ADGRL3: variants seen among roughly 807,000 people sequenced by gnomAD.
The protein encoded by ADGRL3 is calcium-independent alpha-latrotoxin receptor 3.
Under a neutral mutation model 153.5 loss-of-function variants are expected in ADGRL3, and 62 were observed. The ratio of observed to expected loss-of-function variants is 0.40; its 90% CI spans 0.33 to 0.50. The LOEUF (loss-of-function observed/expected upper bound fraction) is 0.50. ADGRL3 is among the 20% of genes least tolerant of loss of function. The pLI is 0.47. For missense variants in ADGRL3, 1,641 were observed against 1,859.4 expected, an observed-to-expected ratio of 0.88 and a Z score of 2.16; for synonymous variants, 710 against 672.5, an observed-to-expected ratio of 1.06 and a Z score of -0.86.
intron 8 of ADGRL3, among the ~76,000 whole-genome samples, chr4:61,781,919 G>T (rs1043892103): frequency 5.3e-5 from 8 of 152,230 alleles, no homozygotes; most frequent in Non-Finnish European, 1.2e-4. Flanking sequence ...AAATGATAAG[G>T]TTATGTAATT....
intron 4 of ADGRL3, among the ~76,000 whole-genome samples, chr4:61,578,954 A>G (rs180764692): frequency 2.1e-3 from 323 of 152,224 alleles, no homozygotes; most frequent in Non-Finnish European, 3.5e-3. Context: ...TCATCGGCCT[A>G]TCTCTTCTCT....
intron 9 of ADGRL3, among the ~76,000 whole-genome samples, chr4:61,865,371 A>G (rs1352321105): frequency 1.3e-5 from 2 of 151,752 alleles, no homozygotes; most frequent in African/African-American, 4.9e-5. Context: ...GATTTTTTTA[A>G]AATAGCATAT....
At chr4:61,844,546 C>CAAAAAAAAAAAAAAAAAAAA (rs71604517) in intron 9 of ADGRL3, among the ~76,000 whole-genome samples, 1 of 17,548 alleles carries the variant, frequency 5.7e-5, no homozygotes, top group Non-Finnish European at 8.5e-5. Flanking sequence ...GACTGCATCT[C>CAAAAAAAAAAAAAAAAAAAA]AAAAAAAAAA....
intron 21 of ADGRL3, among the ~76,000 whole-genome samples, chr4:61,999,544 G>GA (rs1270478524): frequency 3.9e-5 from 6 of 151,918 alleles, no homozygotes; most frequent in African/African-American, 1.5e-4. Flanking sequence ...TTTATTAAAC[G>GA]CTTTTACTTA....
chr4:61,519,302 C>T (rs1362575791), intron 4 of ADGRL3, among the ~76,000 whole-genome samples: 2 of 152,110 alleles, frequency 1.3e-5, no homozygotes, highest in African/African-American at 4.8e-5. Flanking sequence ...AGTTACAGTG[C>T]AGTGACGGGT....
chr4:61,254,022 T>C (rs964753764), intron 1 of ADGRL3, among the ~76,000 whole-genome samples: 1 of 152,170 alleles, frequency 6.6e-6, no homozygotes, highest in African/African-American at 2.4e-5. Context: ...TTTATCAAAA[T>C]ACTGTACAAG....
At chr4:61,394,233 A>G (rs79813580) in intron 2 of ADGRL3, among the ~76,000 whole-genome samples, 4 of 152,190 alleles carry the variant, frequency 2.6e-5, no homozygotes, top group African/African-American at 9.6e-5. Context: ...AGGACATATT[A>G]GGAAAAATCT....
intron 15 of ADGRL3, among the ~76,000 whole-genome samples, chr4:61,939,802 TATC>T (rs1349756545): frequency 2.0e-5 from 3 of 152,206 alleles, no homozygotes; most frequent in Non-Finnish European, 4.4e-5. Flanking sequence ...ATATAACTGG[TATC>T]ATACAGTGTA....
chr4:61,478,681 G>A (rs1267452103), intron 2 of ADGRL3, among the ~76,000 whole-genome samples: 1 of 151,932 alleles, frequency 6.6e-6, no homozygotes, highest in East Asian at 1.9e-4. Context: ...ATTGTTATAT[G>A]TCTTTCTTGG....
chr4:61,477,303 A>C (rs1032255681), intron 2 of ADGRL3, among the ~76,000 whole-genome samples: 2 of 152,020 alleles, frequency 1.3e-5, no homozygotes, highest in Non-Finnish European at 2.9e-5. Flanking sequence ...TTCCTATTTT[A>C]TTATTATTAA....
chr4:61,747,035 G>T (rs987483518), intron 8 of ADGRL3, among the ~76,000 whole-genome samples: 1 of 152,156 alleles, frequency 6.6e-6, no homozygotes, highest in Non-Finnish European at 1.5e-5. Flanking sequence ...TATCACTGCC[G>T]ATCTCACAGA....
intron 1 of ADGRL3, among the ~76,000 whole-genome samples, chr4:61,380,726 G>A (rs543327715): frequency 2.0e-5 from 3 of 151,804 alleles, no homozygotes; most frequent in Non-Finnish European, 4.4e-5. Context: ...ACATATATTT[G>A]CCGGCATTTA....
intron 15 of ADGRL3, 104 bp downstream of exon 15, chr4:61,936,149 C>A: frequency 8.1e-7 from 1 of 1,230,644 alleles, no homozygotes; most frequent in Non-Finnish European, 1.2e-6. Flanking sequence ...CTTTTCCCCT[C>A]TTCCTCTTCC....
At chr4:61,433,974 G>A (rs189894857) in intron 2 of ADGRL3, among the ~76,000 whole-genome samples, 2 of 151,848 alleles carry the variant, frequency 1.3e-5, no homozygotes, top group East Asian at 1.9e-4. Flanking sequence ...CCTATTAATC[G>A]AACCCTTCCA....
intron 2 of ADGRL3, among the ~76,000 whole-genome samples, chr4:61,454,451 T>C (rs1459941136): frequency 6.6e-6 from 1 of 152,160 alleles, no homozygotes; most frequent in African/African-American, 2.4e-5. Flanking sequence ...AACAAAACAA[T>C]GTGAATGTAT....
intron 5 of ADGRL3, among the ~76,000 whole-genome samples, chr4:61,632,427 C>T (rs917402787): frequency 5.3e-5 from 8 of 152,078 alleles, no homozygotes; most frequent in Non-Finnish European, 8.8e-5. Flanking sequence ...GTTTAAAAAT[C>T]AATGAAGGAA....
chr4:61,384,474 T>G (rs1221187525), intron 2 of ADGRL3, among the ~76,000 whole-genome samples: 1 of 151,080 alleles, frequency 6.6e-6, no homozygotes, highest in Non-Finnish European at 1.5e-5. Context: ...TAGATATATG[T>G]ATAAATAATT....
intron 6 of ADGRL3, chr4:61,677,309 C>G (rs540226848): frequency 5.7e-6 from 2 of 350,952 alleles, no homozygotes; most frequent in African/African-American, 4.4e-5. Flanking sequence ...GCAGTTGATA[C>G]ATTTTGAATT....
intron 6 of ADGRL3, among the ~76,000 whole-genome samples, chr4:61,701,071 A>G (rs183788120): frequency 3.9e-5 from 6 of 152,332 alleles, no homozygotes; most frequent in Admixed American, 2.6e-4. Context: ...ATGAGGTACA[A>G]TTGAAATTTT....
Sources: gnomAD v4.1 joint callset for allele counts (sites outside exome capture counted in the v4.1 genomes callset) on GRCh38, gnomAD v4.1.1 for gene constraint, MANE v1.5 for transcripts, NCBI Gene and HGNC (gene_info 2026-07-23, HGNC 2026-07-21) for gene names.